POLK: variants seen among roughly 807,000 people sequenced by gnomAD.
POLK encodes the protein DNA polymerase kappa, also known as polymerase (DNA directed) kappa.
POLK carries 76 observed loss-of-function variants against 94.0 expected under a neutral mutation model. That is an observed-to-expected ratio of 0.81 (90% CI 0.67 to 0.98). The LOEUF (loss-of-function observed/expected upper bound fraction) is 0.98, where lower values mean the gene tolerates loss of function less well. Ranked by LOEUF, POLK falls within the 50% of genes least tolerant of loss-of-function variation. POLK has a pLI of 0.00. For missense variants in POLK, 954 were observed against 1,010.1 expected (o/e 0.94, Z 0.75); for synonymous variants, 349 against 325.4 (o/e 1.07, Z -0.78).
chr5:75,544,101 T>C (rs1769886695), intron 1 of POLK, among the ~76,000 whole-genome samples: 2 of 152,210 alleles, frequency 1.3e-5, no homozygotes, highest in Admixed American at 6.5e-5. Context: ...CCTCACAAAG[T>C]GCTAAGATTA....
At chr5:75,536,466 G>A (rs959515405) in intron 1 of POLK, among the ~76,000 whole-genome samples, 7 of 152,152 alleles carry the variant, frequency 4.6e-5, no homozygotes, top group African/African-American at 1.7e-4. Context: ...AGGCAGGGTG[G>A]GTTGAATTGC....
intron 5 of POLK, among the ~76,000 whole-genome samples, chr5:75,576,212 A>G (rs1395788056): frequency 6.6e-6 from 1 of 152,192 alleles, no homozygotes; most frequent in Non-Finnish European, 1.5e-5. Flanking sequence ...CCAGATCTTA[A>G]TAAGTAATAG....
chr5:75,551,840 T>G (rs1743190527), intron 2 of POLK, among the ~76,000 whole-genome samples: 1 of 152,166 alleles, frequency 6.6e-6, no homozygotes, highest in African/African-American at 2.4e-5. Context: ...AGAGGTACCA[T>G]ATGTCAAAGA....
intron 3 of POLK, among the ~76,000 whole-genome samples, chr5:75,563,162 A>T (rs1265550178): frequency 2.0e-4 from 31 of 152,106 alleles, no homozygotes; most frequent in Non-Finnish European, 1.5e-5. Flanking sequence ...GGGTTTCTCC[A>T]TGTTGGTCAG....
exon 12 of POLK, chr5:75,593,938 A>G (rs186798689): frequency 1.0e-4 from 168 of 1,608,414 alleles, no homozygotes; most frequent in Admixed American, 8.2e-4. Context: ...TCGTGCATCT[A>G]CAGTTTCATC....
chr5:75,561,924 TTGAAGCCAGGTAGCA>T (rs745676634), intron 3 of POLK, among the ~76,000 whole-genome samples: 22 of 152,224 alleles, frequency 1.4e-4, no homozygotes, highest in Admixed American at 5.2e-4. Context: ...GTGGTATAGT[TTGAAGCCAGGTAGCA>T]TGATGCCTCC....
intron 12 of POLK, among the ~76,000 whole-genome samples, chr5:75,594,476 A>G (rs1772964256): frequency 6.6e-6 from 1 of 152,120 alleles, no homozygotes; most frequent in African/African-American, 2.4e-5. Context: ...TAAAGTTGTT[A>G]TTTTCCTTAT....
At position 75,543,525 on chromosome 5, in the gene POLK, C is replaced by T. The variant is rs141565057; in HGVS notation, c.-13-3485C>T. Reference sequence around the variant, plus strand: ...TGCCCTCAATGGATACCAGGAAGGCCGTAAATGGAGCTGGTTGGAGGGGAT... The same window carrying T: ...TGCCCTCAATGGATACCAGGAAGGCTGTAAATGGAGCTGGTTGGAGGGGAT... On this transcript the variant is annotated intron_variant, in intron 1 of 14. Coordinates refer to ENST00000241436, the Ensembl canonical transcript of POLK. Among the ~76,000 whole-genome samples, 318 of 151,972 alleles carry T rather than the reference C, an allele frequency of 2.1e-3. 1 individual carries two copies. The East Asian group carries it at 0.027, about 13-fold the overall frequency.
upstream of POLK, chr5:75,511,506 C>T (rs948999326): frequency 2.7e-6 from 4 of 1,479,024 alleles, no homozygotes; most frequent in African/African-American, 4.2e-5. Flanking sequence ...ACTTAGCCCC[C>T]TCGATGCCAA....
intron 1 of POLK, among the ~76,000 whole-genome samples, chr5:75,534,472 T>G (rs1378324802): frequency 1.3e-5 from 2 of 152,182 alleles, no homozygotes; most frequent in African/African-American, 4.8e-5. Context: ...CTGTACTGTT[T>G]TATTGTAATC....
intron 1 of POLK, among the ~76,000 whole-genome samples, chr5:75,517,072 T>C (rs765716933): frequency 3.3e-5 from 5 of 152,228 alleles, no homozygotes; most frequent in Non-Finnish European, 5.9e-5. Flanking sequence ...TGAAGTCAGA[T>C]AGTGTGATGC....
intron 1 of POLK, among the ~76,000 whole-genome samples, chr5:75,533,773 GT>G (rs1393011345): frequency 6.6e-6 from 1 of 152,090 alleles, no homozygotes; most frequent in East Asian, 1.9e-4. Flanking sequence ...TTTGAGCAGT[GT>G]TTTTTAATTC....
intron 1 of POLK, chr5:75,512,706 C>T (rs1768111684): frequency 6.6e-6 from 1 of 152,198 alleles, no homozygotes; most frequent in Non-Finnish European, 1.5e-5. Flanking sequence ...TCAGTAATTT[C>T]CTCTCGTTAG....
chr5:75,528,184 C>T (rs1768965553), intron 1 of POLK, among the ~76,000 whole-genome samples: 1 of 151,890 alleles, frequency 6.6e-6, no homozygotes, highest in Non-Finnish European at 1.5e-5. Context: ...ATAGATGATA[C>T]ATTTATACTC....
chr5:75,511,504 C>A (rs1248010734), upstream of POLK: 3 of 1,479,378 alleles, frequency 2.0e-6, no homozygotes, highest in East Asian at 7.5e-5. Context: ...GAACTTAGCC[C>A]CCTCGATGCC....
At chr5:75,574,963 A>C (rs1771797672) in intron 5 of POLK, among the ~76,000 whole-genome samples, 1 of 152,254 alleles carries the variant, frequency 6.6e-6, no homozygotes, top group Non-Finnish European at 1.5e-5. Flanking sequence ...TTAACTCAGC[A>C]AAACTTCTGG....
intron 12 of POLK, 66 bp from the exon 13 acceptor site, chr5:75,596,156 T>C (rs965616404): frequency 8.1e-6 from 7 of 867,622 alleles, no homozygotes; most frequent in African/African-American, 1.7e-5. Flanking sequence ...AGACAAAATG[T>C]TTTTATGCAT....
chr5:75,528,569 T>G (rs1179467415), intron 1 of POLK, among the ~76,000 whole-genome samples: 1 of 151,628 alleles, frequency 6.6e-6, no homozygotes, highest in Non-Finnish European at 1.5e-5. Context: ...TCCAGCGCTT[T>G]GAAAGGCCTA....
chr5:75,578,954 G>A (rs1459425618), intron 6 of POLK, among the ~76,000 whole-genome samples: 1 of 152,120 alleles, frequency 6.6e-6, no homozygotes, highest in Non-Finnish European at 1.5e-5. Flanking sequence ...GTTACATTCT[G>A]ATTACCTTAG....
Sources: allele counts gnomAD v4.1 joint callset (sites outside exome capture counted in the v4.1 genomes callset), GRCh38; gene constraint gnomAD v4.1.1; transcripts MANE v1.5; gene names NCBI Gene and HGNC (gene_info 2026-07-23, HGNC 2026-07-21).